Variants in RNF24 observed in about 807,000 individuals in gnomAD.
RNF24 encodes the protein ring finger protein 24.
Under a neutral mutation model 20.0 loss-of-function variants are expected in RNF24, and 14 were observed. The ratio of observed to expected loss-of-function variants is 0.70; its 90% CI spans 0.46 to 1.10. The LOEUF (loss-of-function observed/expected upper bound fraction) is 1.10, where lower values mean the gene tolerates loss of function less well. Ranked by LOEUF, RNF24 falls within the 50% of genes least tolerant of loss-of-function variation. The pLI is 0.00. For missense variants in RNF24, 124 were observed against 177.6 expected (o/e 0.70, Z 1.71); for synonymous variants, 45 against 61.1 (o/e 0.74, Z 1.23).
At chr20:3,998,961 C>T (rs747467601) in intron 1 of RNF24, among the ~76,000 whole-genome samples, 8 of 149,656 alleles carry the variant, frequency 5.3e-5, no homozygotes, top group Admixed American at 1.3e-4. Context: ...GCACCTGTAA[C>T]CCCAGCTACT....
chr20:3,946,886 G>C (rs1187596755), intron 3 of RNF24, among the ~76,000 whole-genome samples: 1 of 152,030 alleles, frequency 6.6e-6, no homozygotes, highest in African/African-American at 2.4e-5. Flanking sequence ...ATGGACGAAA[G>C]ATGAACAGAA....
Position 3,985,991 on chromosome 20 carries a change from T to G in RNF24, c.-7-21967A>C, listed in dbSNP as rs138404720. Among the ~76,000 whole-genome samples, 250 of 152,302 alleles carry G rather than the reference T, an allele frequency of 1.6e-3. 2 individuals are homozygous for G. Among genetic ancestry groups the G allele is most frequent in the African/African-American group, 5.6e-3 (232 of 41,562 alleles). On this transcript the variant is annotated intron_variant, in intron 1 of 5. Coordinates refer to ENST00000358395, the MANE Select transcript of RNF24 (RefSeq NM_001134337.3). Reference sequence around the variant, plus strand: ...CAGTTTGAGGCTGGTCTTGAACTCCTGACCTCAGGCCTTGGCTTCCCAAAG... The same window carrying G: ...CAGTTTGAGGCTGGTCTTGAACTCCGGACCTCAGGCCTTGGCTTCCCAAAG...
In RNF24 at chr20:3,935,049, A is replaced by G; in HGVS notation, c.253T>C (p.Phe85Leu). The G allele has an allele frequency of 1.9e-6, 3 of 1,614,058 alleles. No homozygotes were observed. In the East Asian group the frequency reaches 6.7e-5, roughly 36 times the overall value. Residue 85 changes from phenylalanine to leucine, a missense_variant, in exon 5 of 6, where the codon TTC (phenylalanine) becomes CTC (leucine). Transcript: ENST00000358395. ...HELCAVCLED[F>L]KPRDELGICP... is the part of the protein sequence containing the mutation. ...ATCCCCAACTCATCTCGAGGCTTGA[A>G]GTCTTCTAGGCACACTGCACAGAGC...
At chr20:3,944,209 C>CAAAAAAA (rs58334745) in intron 4 of RNF24, among the ~76,000 whole-genome samples, 4 of 109,876 alleles carry the variant, frequency 3.6e-5, no homozygotes, top group Non-Finnish European at 3.9e-5. Flanking sequence ...GACCCCGTCT[C>CAAAAAAA]AAAAAAAAAA....
intron 1 of RNF24, among the ~76,000 whole-genome samples, chr20:3,999,249 C>T: frequency 6.6e-6 from 1 of 152,142 alleles, no homozygotes; most frequent in East Asian, 1.9e-4. Flanking sequence ...TAGAGTTGCA[C>T]ATTATTATCC....
chr20:3,981,568 C>T (rs941725804), intron 1 of RNF24, among the ~76,000 whole-genome samples: 9 of 151,094 alleles, frequency 6.0e-5, no homozygotes, highest in African/African-American at 2.2e-4. Flanking sequence ...TGCAGTGGCA[C>T]CATCTCGGCT....
intron 4 of RNF24, among the ~76,000 whole-genome samples, chr20:3,944,667 C>T (rs1173219405): frequency 1.3e-5 from 2 of 152,200 alleles, no homozygotes; most frequent in East Asian, 3.8e-4. Flanking sequence ...CAAGTTTGTA[C>T]TTAAGTTACA....
intron 1 of RNF24, chr20:3,974,255 G>A (rs1978659530): frequency 3.4e-6 from 5 of 1,461,928 alleles, no homozygotes; most frequent in Non-Finnish European, 3.7e-6. Flanking sequence ...AAACAAACCG[G>A]CAAAAACCAA....
intron 1 of RNF24, among the ~76,000 whole-genome samples, chr20:3,979,056 T>C (rs1469389489): frequency 6.8e-6 from 1 of 148,074 alleles, no homozygotes; most frequent in Non-Finnish European, 1.5e-5. Flanking sequence ...ATCGCGCCAC[T>C]GCACTCAAGC....
At chr20:4,014,735 A>G (rs1982738705) in intron 1 of RNF24, among the ~76,000 whole-genome samples, 1 of 124,784 alleles carries the variant, frequency 8.0e-6, no homozygotes, top group African/African-American at 3.3e-5. Context: ...TTTCACTTGA[A>G]TGCGCACACA....
intron 1 of RNF24, among the ~76,000 whole-genome samples, chr20:4,005,650 T>C (rs142578781): frequency 6.6e-6 from 1 of 152,322 alleles, no homozygotes; most frequent in East Asian, 1.9e-4. Context: ...TAGGTTCTAT[T>C]TCAAATTTAT....
chr20:3,969,481 A>G (rs1277583486), intron 1 of RNF24, among the ~76,000 whole-genome samples: 2 of 151,918 alleles, frequency 1.3e-5, no homozygotes, highest in East Asian at 3.8e-4. Flanking sequence ...CAAAGTTGGC[A>G]AACAAGAATG....
rs1447569803 is a variant in RNF24 at position 3,932,398 on chromosome 20, G to T, written c.*1665C>A. ...GGAAGCAGTCCAGTTGGCATACCAC[G>T]AATAGGTCACACATAGGAAATGGCC... On this transcript the variant is annotated 3_prime_UTR_variant, in exon 6 of 6. Coordinates refer to ENST00000358395, the MANE Select transcript of RNF24 (RefSeq NM_001134337.3). The T allele has an allele frequency of 6.6e-6, 1 of 152,290 alleles. No homozygotes were observed. The highest frequency in any genetic ancestry group is 2.4e-5 in the African/African-American group (1 of 41,354). 9.4% of individuals were successfully genotyped at this position (152,290 alleles called of 1,614,324 possible).
At chr20:3,949,251 A>G (rs2091054403) in intron 2 of RNF24, among the ~76,000 whole-genome samples, 1 of 152,204 alleles carries the variant, frequency 6.6e-6, no homozygotes, top group African/African-American at 2.4e-5. Flanking sequence ...ATAGTGGCAC[A>G]TGCCTGTAAT....
intron 4 of RNF24, among the ~76,000 whole-genome samples, chr20:3,936,921 C>T (rs1327730930): frequency 6.6e-6 from 1 of 152,212 alleles, no homozygotes; most frequent in African/African-American, 2.4e-5. Flanking sequence ...ACCGCAACCT[C>T]CGCCTCCTGG....
At chr20:3,962,712 ATT>A (rs754993846) in intron 2 of RNF24, among the ~76,000 whole-genome samples, 4 of 140,786 alleles carry the variant, frequency 2.8e-5, no homozygotes. Flanking sequence ...TGATCAAACT[ATT>A]TTTTTTTTTT....
intron 1 of RNF24, among the ~76,000 whole-genome samples, chr20:3,993,588 C>T (rs562994736): frequency 6.6e-6 from 1 of 152,214 alleles, no homozygotes; most frequent in South Asian, 2.1e-4. Context: ...CTCCTGGCCA[C>T]ATATCTGAAA....
At chr20:3,973,590 T>G in intron 1 of RNF24, among the ~76,000 whole-genome samples, 1 of 147,866 alleles carries the variant, frequency 6.8e-6, no homozygotes, top group East Asian at 2.0e-4. Context: ...ACTGCAGACA[T>G]CAAAAGGATA....
At chr20:3,935,639 T>C (rs2090881499) in intron 4 of RNF24, among the ~76,000 whole-genome samples, 1 of 152,240 alleles carries the variant, frequency 6.6e-6, no homozygotes, top group Admixed American at 6.5e-5. Flanking sequence ...AGTTAACTCA[T>C]GAACATGTGC....
Sources: allele counts gnomAD v4.1 joint callset (sites outside exome capture counted in the v4.1 genomes callset), GRCh38; gene constraint gnomAD v4.1.1; transcripts MANE v1.5; gene names NCBI Gene and HGNC (gene_info 2026-07-23, HGNC 2026-07-21).